The following PTPN3 variants were observed in gnomAD, a reference collection of about 807,000 sequenced individuals.
The protein encoded by PTPN3 is protein tyrosine phosphatase non-receptor type 3, also known as tyrosine-protein phosphatase non-receptor type 3.
In PTPN3, 96 loss-of-function variants were observed where a neutral mutation model predicts 132.7. The observed-to-expected ratio is 0.72, with a 90% CI of 0.61 to 0.86. The LOEUF (loss-of-function observed/expected upper bound fraction) is 0.86. PTPN3 is among the 40% of genes least tolerant of loss of function. PTPN3 has a pLI of 0.00. For missense variants in PTPN3, 1,125 were observed against 1,159.6 expected (o/e 0.97, Z 0.43); for synonymous variants, 398 against 429.0 (o/e 0.93, Z 0.89).
intron 6 of PTPN3, 52 bp downstream of exon 6, chr9:109,448,759 C>T (rs984534040): frequency 1.3e-6 from 2 of 1,508,514 alleles, no homozygotes; most frequent in African/African-American, 1.4e-5. Flanking sequence ...TAGATTAAAA[C>T]CAGGAATTTT....
chr9:109,525,177 G>A, the PTPN3 span, among the ~76,000 whole-genome samples: 1 of 152,004 alleles, frequency 6.6e-6, no homozygotes. Flanking sequence ...TCAGCCTCCT[G>A]AGTAGCTGGG....
chr9:109,433,271 A>C, intron 9 of PTPN3, 110 bp from the exon 10 acceptor site: 1 of 1,433,176 alleles, frequency 7.0e-7, no homozygotes, highest in Non-Finnish European at 9.2e-7. Flanking sequence ...TAGGCTCCAA[A>C]TGGGAAAATG....
At chr9:109,469,127 A>C (rs1218317010) in intron 1 of PTPN3, among the ~76,000 whole-genome samples, 1 of 152,212 alleles carries the variant, frequency 6.6e-6, no homozygotes, top group Non-Finnish European at 1.5e-5. Flanking sequence ...GTTGGGTAAC[A>C]GGGCTGCTAC....
chr9:109,467,259 T>A (rs1306073273), intron 1 of PTPN3, among the ~76,000 whole-genome samples: 1 of 146,664 alleles, frequency 6.8e-6, no homozygotes, highest in Non-Finnish European at 1.5e-5. Flanking sequence ...GAATCTCAGG[T>A]GGGTTACATT....
the PTPN3 span, among the ~76,000 whole-genome samples, chr9:109,517,472 T>C: frequency 6.6e-6 from 1 of 152,340 alleles, no homozygotes; most frequent in East Asian, 1.9e-4. Context: ...CCCACTGCTA[T>C]ACCGTCCAAA....
chr9:109,425,682 C>T (rs1244594567), intron 12 of PTPN3, among the ~76,000 whole-genome samples: 1 of 150,180 alleles, frequency 6.7e-6, no homozygotes, highest in Non-Finnish European at 1.5e-5. Context: ...GCCTGGGCGA[C>T]AGAGTGAGAC....
the PTPN3 span, among the ~76,000 whole-genome samples, chr9:109,517,894 G>A: frequency 6.6e-6 from 1 of 152,104 alleles, no homozygotes; most frequent in Non-Finnish European, 1.5e-5. Flanking sequence ...TGAGAGAGAG[G>A]GTGGACATTG....
rs1439986349 is a variant in PTPN3 at position 109,418,035 on chromosome 9, C to A, written c.1313+2389G>T. 2.0e-5 allele frequency among the ~76,000 whole-genome samples: 3 copies of A among 152,158 alleles called. No homozygotes were observed. The East Asian group carries it at 5.8e-4, about 29-fold the overall frequency. ...CTGGAATGTAAATAGTCCTATGGAGCTGGTGGCTGCTGTATTGGACTATGA... is the reference window on the plus strand; with the variant it reads ...CTGGAATGTAAATAGTCCTATGGAGATGGTGGCTGCTGTATTGGACTATGA... On this transcript the variant is annotated intron_variant, in intron 14 of 25. Coordinates refer to ENST00000374541, the MANE Select transcript of PTPN3 (RefSeq NM_002829.4).
rs149491568 is a variant in PTPN3 at position 109,488,361 on chromosome 9, A to G, written c.-18+9858T>C. On this transcript the variant is annotated intron_variant, in intron 1 of 25. Transcript: ENST00000374541. ...GTGATCCACCCGCCTCTGCCTCCCA[A>G]AGTGCTAGGATTACAGGCATGAGCC... is the stretch of plus-strand genomic sequence containing the variant. Among the ~76,000 whole-genome samples, 32 of 152,152 alleles carry G rather than the reference A, an allele frequency of 2.1e-4. No individual in the cohort carries two copies. The East Asian group carries it at 6.2e-3, about 29-fold the overall frequency.
the PTPN3 span, among the ~76,000 whole-genome samples, chr9:109,509,680 A>C: frequency 6.6e-6 from 1 of 152,210 alleles, no homozygotes; most frequent in Non-Finnish European, 1.5e-5. Context: ...TAGTTCAGTG[A>C]TATTTTAAAA....
the PTPN3 span, chr9:109,533,623 A>G: frequency 1.3e-6 from 2 of 1,506,496 alleles, no homozygotes; most frequent in Non-Finnish European, 9.1e-7. Context: ...CCTGATATAT[A>G]CTCTGCCACA....
At chr9:109,433,510 C>T (rs568768165) in intron 9 of PTPN3, among the ~76,000 whole-genome samples, 2 of 152,312 alleles carry the variant, frequency 1.3e-5, no homozygotes, top group East Asian at 3.9e-4. Flanking sequence ...CTTTGCAAAG[C>T]TTTTTGCAAA....
At chr9:109,517,424 T>C in the PTPN3 span, among the ~76,000 whole-genome samples, 1 of 152,224 alleles carries the variant, frequency 6.6e-6, no homozygotes, top group African/African-American at 2.4e-5. Flanking sequence ...AGTTAAGAAT[T>C]ATTGTAATTC....
intron 1 of PTPN3, among the ~76,000 whole-genome samples, chr9:109,478,702 T>C (rs1588492814): frequency 6.6e-6 from 1 of 152,226 alleles, no homozygotes; most frequent in African/African-American, 2.4e-5. Flanking sequence ...TGTTCTGTCT[T>C]TTCTACCAGG....
At chr9:109,437,347 G>A (rs1035155770) in intron 8 of PTPN3, among the ~76,000 whole-genome samples, 42 of 152,148 alleles carry the variant, frequency 2.8e-4, no homozygotes, top group African/African-American at 1.0e-3. Flanking sequence ...ACTTTCAAAC[G>A]CCACTGGCCC....
intron 19 of PTPN3, among the ~76,000 whole-genome samples, chr9:109,402,734 A>AG (rs36062448): frequency 1 from 151,864 of 152,312 alleles, 75,708 homozygotes; most frequent in Middle Eastern, 1. Context: ...CATTTGCATA[A>AG]GTACATAATT....
intron 22 of PTPN3, among the ~76,000 whole-genome samples, chr9:109,388,172 G>T (rs928497407): frequency 1.3e-5 from 2 of 152,210 alleles, no homozygotes; most frequent in African/African-American, 4.8e-5. Context: ...GCTGCCTGGA[G>T]TGATGGACTC....
At chr9:109,478,857 G>C (rs111626931) in intron 1 of PTPN3, among the ~76,000 whole-genome samples, 211 of 152,324 alleles carry the variant, frequency 1.4e-3, no homozygotes, top group African/African-American at 5.0e-3. Flanking sequence ...CTTCGCCCAT[G>C]AGGTTACCAC....
At chr9:109,489,400 A>G (rs1453140336) in intron 1 of PTPN3, among the ~76,000 whole-genome samples, 1 of 152,156 alleles carries the variant, frequency 6.6e-6, no homozygotes, top group East Asian at 1.9e-4. Flanking sequence ...TTTTGTCTTT[A>G]TCCAGGTAGA....
Sources: gnomAD v4.1 joint callset for allele counts (sites outside exome capture counted in the v4.1 genomes callset) on GRCh38, gnomAD v4.1.1 for gene constraint, MANE v1.5 for transcripts, NCBI Gene and HGNC (gene_info 2026-07-23, HGNC 2026-07-21) for gene names.